Variants in LYVE1 observed in about 807,000 individuals in gnomAD.
LYVE1 encodes the protein lymphatic vessel endothelial hyaluronic acid receptor 1.
A neutral mutation model predicts 31.5 loss-of-function variants in LYVE1; 29 were observed. The ratio of observed to expected loss-of-function variants is 0.92; its 90% CI spans 0.69 to 1.26. LYVE1 has a LOEUF of 1.26. Among genes scored for constraint, LYVE1 ranks in the 50% most tolerant of loss-of-function variants. LYVE1 has a pLI of 0.00. For synonymous variants in LYVE1, 134 were observed against 139.4 expected (o/e 0.96, Z 0.27); for missense variants, 376 against 380.2 (o/e 0.99, Z 0.09).
chr11:10,565,814 CT>C (rs748679045), intron 1 of LYVE1, among the ~76,000 whole-genome samples: 2,220 of 142,952 alleles, frequency 0.016, 43 homozygotes, highest in African/African-American at 0.047. Flanking sequence ...AACCCCAGTT[CT>C]TTTTTTTTTT....
intron 3 of LYVE1, among the ~76,000 whole-genome samples, chr11:10,562,119 T>C (rs1209796801): frequency 2.0e-5 from 3 of 152,218 alleles, no homozygotes; most frequent in African/African-American, 7.2e-5. Flanking sequence ...GGGCTGGGTA[T>C]CATCACATTG....
rs982241439 is a variant in LYVE1 at position 10,558,327 on chromosome 11, A to G, written c.*784T>C. 1.3e-5 allele frequency: 2 copies of G among 152,248 alleles called. No homozygotes were observed. Among genetic ancestry groups the G allele is most frequent in the East Asian group, 3.8e-4 (2 of 5,206 alleles). The allele number at this position is 152,248 out of a possible 1,614,324, so 9.4% of individuals were successfully genotyped here. On this transcript the variant is annotated 3_prime_UTR_variant, in exon 6 of 6. Transcript: ENST00000256178. Reference sequence around the variant, plus strand: ...AATCATTTCTGTAACTCAGATAAAAATAGAAATTTATAAGAGTTTTTATTT... The same window carrying G: ...AATCATTTCTGTAACTCAGATAAAAGTAGAAATTTATAAGAGTTTTTATTT...
In LYVE1 at chr11:10,559,213, A is replaced by G. The variant is rs1591512203; in HGVS notation, c.867T>C (p.Asn289=). 1 of 1,614,102 alleles carries G rather than the reference A, an allele frequency of 6.2e-7. No homozygotes were observed. The highest frequency in any genetic ancestry group is 2.2e-5 in the East Asian group (1 of 44,874). The stretch of plus-strand genomic sequence containing the variant: ...TTGATTCCTCATTAGGGTTGCTATC[A>G]TTGGCCTTCTCCTCCTTTACTACTT... ...ETKVVKEEKA[N]DSNPNEESKK... is the part of the protein sequence containing the mutation. Residue 289 remains asparagine, a synonymous_variant, in exon 6 of 6, where the codon AAT becomes AAC. Transcript: ENST00000256178.
chr11:10,568,096 T>C (rs1313585847), intron 1 of LYVE1, among the ~76,000 whole-genome samples: 1 of 152,178 alleles, frequency 6.6e-6, no homozygotes, highest in African/African-American at 2.4e-5. Flanking sequence ...AGCCAGGAGT[T>C]CAAGACCAGG....
chr11:10,565,064 C>T (rs1284186297), intron 1 of LYVE1, among the ~76,000 whole-genome samples: 2 of 152,186 alleles, frequency 1.3e-5, no homozygotes, highest in Admixed American at 1.3e-4. Context: ...TAATCTTCAG[C>T]TCTTTGAGCC....
chr11:10,560,430 T>C, intron 4 of LYVE1, 65 bp downstream of exon 4: 2 of 1,392,712 alleles, frequency 1.4e-6, no homozygotes, highest in South Asian at 2.9e-5. Flanking sequence ...CAGGCAGGAT[T>C]CTATGAATTA....
rs565086589 is a variant in LYVE1 at position 10,560,094 on chromosome 11, C to T, written c.704-200G>A. ...GGCCTTGCTTCTCACACTCTCAATT[C>T]TATCAGTTGCAATATGACAGAGTTC... is the stretch of plus-strand genomic sequence containing the variant. On this transcript the variant is annotated intron_variant, in intron 4 of 5. Coordinates refer to ENST00000256178, the MANE Select transcript of LYVE1 (RefSeq NM_006691.4). 5.3e-5 allele frequency among the ~76,000 whole-genome samples: 8 copies of T among 152,314 alleles called. No homozygotes were observed. In the East Asian group the frequency reaches 1.5e-3, roughly 29 times the overall value.
intron 1 of LYVE1, among the ~76,000 whole-genome samples, chr11:10,567,871 AAAT>A (rs1362969202): frequency 2.6e-5 from 4 of 152,342 alleles, no homozygotes; most frequent in African/African-American, 9.6e-5. Context: ...ATCAAAATTA[AAAT>A]AATTATGCTA....
chr11:10,564,807 CACT>C (rs1850503525), intron 1 of LYVE1, among the ~76,000 whole-genome samples: 1 of 152,236 alleles, frequency 6.6e-6, no homozygotes, highest in African/African-American at 2.4e-5. Flanking sequence ...GGTTTGGGGA[CACT>C]ACTATTTGTG....
At position 10,568,497 on chromosome 11, in the gene LYVE1, A is replaced by C; in HGVS notation, c.36T>G (p.Thr12=). 1 of 1,614,054 alleles carries C rather than the reference A, an allele frequency of 6.2e-7. No homozygotes were observed. The highest frequency in any genetic ancestry group is 1.1e-5 in the South Asian group (1 of 91,068). Residue 12 remains threonine (T), a synonymous_variant, in exon 1 of 6, where the codon ACT becomes ACG. Transcript: ENST00000256178. ...CCAGGAGCCTCGTGGTCCAGATGGA[A>C]GTGAGAAGCAACACCAGGCTGAAGC... is the stretch of plus-strand genomic sequence containing the variant. ...ARCFSLVLLL[T]SIWTTRLLVQ...
rs1850489976 is a variant in LYVE1, at chr11:10,564,247, C to T, written c.213G>A (p.Lys71=). 6.2e-7 allele frequency: 1 copy of T among 1,614,178 alleles called. No homozygotes were observed. The highest frequency in any genetic ancestry group is 1.7e-4 in the Middle Eastern group (1 of 6,060). Residue 71 remains lysine, a synonymous_variant, in exon 2 of 6, where the codon AAG becomes AAA. Transcript: ENST00000256178. The part of the protein sequence containing the change: ...CRLLGLSLAG[K]DQVETALKAS... ...CTTTCAAGGCTGTTTCAACTTGGTC[C>T]TTGCCGGCCAAACTTAGTCCCAGCA...
rs767300063 is a variant in LYVE1 at position 10,560,624 on chromosome 11, A to T, written c.574T>A (p.Ser192Thr). 6.2e-7 allele frequency: 1 copy of T among 1,614,174 alleles called. No homozygotes were observed. Among genetic ancestry groups the T allele is most frequent in the Non-Finnish European group, 8.5e-7 (1 of 1,180,012 alleles). ...TTTPPAPAST[S>T]IPRRKKLICV... is the part of the protein sequence containing the mutation. ...ATCAATTTTTTTCTCCGTGGAATAG[A>T]AGTGGAAGCTGGAGCAGGAGGAGTA... The change falls in exon 4 of 6, where the codon TCT (serine) becomes ACT (threonine). Residue 192 changes from serine to threonine, a missense_variant. Physicochemically the swap from Ser to Thr is moderately conservative, Grantham distance 58. Transcript: ENST00000256178.
intron 1 of LYVE1, among the ~76,000 whole-genome samples, chr11:10,566,140 C>T (rs1238192443): frequency 6.7e-6 from 1 of 149,960 alleles, no homozygotes; most frequent in African/African-American, 2.5e-5. Flanking sequence ...GACAGAGTCT[C>T]GTTCTGTCAC....
intron 2 of LYVE1, 41 bp from the exon 3 acceptor site, chr11:10,564,120 G>A: frequency 6.2e-7 from 1 of 1,614,072 alleles, no homozygotes; most frequent in African/African-American, 1.3e-5. Context: ...AAAATGATTA[G>A]AAGGCTTCAT....
chr11:10,564,168 C>T (rs529109225), intron 2 of LYVE1, 35 bp downstream of exon 2: 3 of 1,614,038 alleles, frequency 1.9e-6, no homozygotes, highest in East Asian at 4.5e-5. Flanking sequence ...TAAAAAAGAA[C>T]TCCAGCAGTG....
Position 10,558,885 on chromosome 11 carries a change from A to G in LYVE1, c.*226T>C, listed in dbSNP as rs906784881. 42 of 477,178 alleles carry G rather than the reference A, an allele frequency of 8.8e-5. No homozygotes were observed. Among genetic ancestry groups the G allele is most frequent in the Non-Finnish European group, 1.4e-4 (38 of 272,448 alleles). The allele number at this position is 477,178 out of a possible 1,614,324, so 29.6% of individuals were successfully genotyped here. A position where few individuals can be genotyped will look rare whatever the true frequency, so the allele number is the denominator to read the frequency against. On this transcript the variant is annotated 3_prime_UTR_variant, in exon 6 of 6. Transcript: ENST00000256178. ...TAGCCAGGCTAGAAAGGCCGTGGGA[A>G]GCTTTGGAGGTAGGAGGATAGGATC... is the stretch of plus-strand genomic sequence containing the variant.
chr11:10,559,292 AC>A lies in LYVE1; in HGVS notation c.787del (p.Val263Ter). On this transcript the variant is annotated frameshift_variant, in exon 6 of 6. Transcript: ENST00000256178. LOFTEE classifies it high-confidence loss of function. ...GLGFCYVKRYVKAFPFTNKNQ... is the reference protein window; with the variant it reads ...GLGFCYVKRYXKAFPFTNKNQ... ...CTTGTTTGTAAAAGGGAAGGCCTTC[AC>A]ATACCTTTAGGCAGAAACATGAAAT... 6.2e-7 allele frequency: 1 copy of A among 1,612,978 alleles called. No homozygotes were observed. The highest frequency in any genetic ancestry group is 8.5e-7 in the Non-Finnish European group (1 of 1,179,394).
In LYVE1 at chr11:10,560,745, G is replaced by C; in HGVS notation, c.453C>G (p.Phe151Leu). 6.2e-7 allele frequency: 1 copy of C among 1,613,820 alleles called. No homozygotes were observed. Among genetic ancestry groups the C allele is most frequent in the Non-Finnish European group, 8.5e-7 (1 of 1,179,734 alleles). Residue 151 changes from phenylalanine (F) to leucine (L), a missense_variant, in exon 4 of 6, where the codon TTC (phenylalanine) becomes TTG (leucine). Transcript: ENST00000256178. ...PEIITTKDPI[F>L]NTQTATQTTE... is the part of the protein sequence containing the mutation. ...TTGTTTGTGTTGCAGTTTGAGTGTT[G>C]AATATGGGATCTTTGGTGGTGATAA... is the stretch of plus-strand genomic sequence containing the variant.
At chr11:10,567,049 A>G (rs571857812) in intron 1 of LYVE1, among the ~76,000 whole-genome samples, 1 of 152,354 alleles carries the variant, frequency 6.6e-6, no homozygotes, top group East Asian at 1.9e-4. Context: ...ATCAGATAAT[A>G]GCATATGCTT....
Sources: gnomAD v4.1 joint callset for allele counts (sites outside exome capture counted in the v4.1 genomes callset) on GRCh38, gnomAD v4.1.1 for gene constraint, MANE v1.5 for transcripts, NCBI Gene and HGNC (gene_info 2026-07-23, HGNC 2026-07-21) for gene names.